EXOC6B: variants seen among roughly 807,000 people sequenced by gnomAD.
The protein encoded by EXOC6B is SEC15 homolog B.
Under a neutral mutation model 113.5 loss-of-function variants are expected in EXOC6B, and 54 were observed. The ratio of observed to expected loss-of-function variants is 0.48; its 90% CI spans 0.38 to 0.60. EXOC6B has a LOEUF of 0.60. Among genes scored for constraint, EXOC6B ranks in the 20% least tolerant of loss-of-function variants. The pLI, the probability that EXOC6B is intolerant of heterozygous loss-of-function variation, is 0.00. For synonymous variants in EXOC6B, 357 were observed against 339.0 expected, an observed-to-expected ratio of 1.05 and a Z score of -0.58; for missense variants, 797 against 977.5, an observed-to-expected ratio of 0.82 and a Z score of 2.46.
At chr2:72,528,451 A>C (rs1041309125) in intron 8 of EXOC6B, among the ~76,000 whole-genome samples, 3 of 152,182 alleles carry the variant, frequency 2.0e-5, no homozygotes, top group African/African-American at 7.2e-5. Flanking sequence ...CTACATAATA[A>C]GTCTTGAAAT....
intron 6 of EXOC6B, among the ~76,000 whole-genome samples, chr2:72,673,927 T>C (rs966375113): frequency 5.3e-5 from 8 of 152,116 alleles, no homozygotes; most frequent in Middle Eastern, 3.4e-3. Context: ...GCAAGACCCA[T>C]AACAGAAAAA....
At chr2:72,199,970 C>T (rs1234331274) in intron 20 of EXOC6B, among the ~76,000 whole-genome samples, 1 of 152,138 alleles carries the variant, frequency 6.6e-6, no homozygotes, top group Admixed American at 6.5e-5. Flanking sequence ...GATCTCGGCT[C>T]ACTGCAACCT....
intron 1 of EXOC6B, among the ~76,000 whole-genome samples, chr2:72,761,455 A>C (rs1419617766): frequency 6.6e-6 from 1 of 152,122 alleles, no homozygotes; most frequent in Non-Finnish European, 1.5e-5. Context: ...TATCACCACC[A>C]CATTCTAGCT....
chr2:72,495,389 A>C (rs1699982691), intron 15 of EXOC6B, 41 bp downstream of exon 15: 1 of 1,095,744 alleles, frequency 9.1e-7, no homozygotes. Flanking sequence ...ATGGAGTCAC[A>C]ATCTTAGCAT....
intron 19 of EXOC6B, among the ~76,000 whole-genome samples, chr2:72,337,708 T>A (rs1164731875): frequency 6.6e-6 from 1 of 152,182 alleles, no homozygotes; most frequent in East Asian, 1.9e-4. Flanking sequence ...TCAGGTATGA[T>A]AAAGTAAAGA....
At chr2:72,598,416 T>C (rs914005058) in intron 6 of EXOC6B, among the ~76,000 whole-genome samples, 3 of 151,924 alleles carry the variant, frequency 2.0e-5, no homozygotes, top group African/African-American at 7.2e-5. Flanking sequence ...GCAGAAACAG[T>C]GCTTACAGGG....
chr2:72,508,987 T>A (rs1397372275), intron 11 of EXOC6B, among the ~76,000 whole-genome samples: 1 of 152,104 alleles, frequency 6.6e-6, no homozygotes, highest in Non-Finnish European at 1.5e-5. Context: ...GACTGTTGTT[T>A]CTGCCCCCAA....
chr2:72,692,688 C>G (rs983610519), intron 6 of EXOC6B, among the ~76,000 whole-genome samples: 4 of 152,138 alleles, frequency 2.6e-5, no homozygotes, highest in African/African-American at 9.7e-5. Context: ...GAATGCTTCA[C>G]GTAAGATGAA....
chr2:72,531,060 A>G (rs1311138463), intron 8 of EXOC6B, among the ~76,000 whole-genome samples: 2 of 152,062 alleles, frequency 1.3e-5, no homozygotes, highest in Non-Finnish European at 2.9e-5. Flanking sequence ...TTTACATTCA[A>G]TACAATTATT....
intron 20 of EXOC6B, among the ~76,000 whole-genome samples, chr2:72,261,647 C>T (rs2104584584): frequency 6.6e-6 from 1 of 152,214 alleles, no homozygotes; most frequent in East Asian, 1.9e-4. Flanking sequence ...AGGCTGCTTT[C>T]CTTTAACTTC....
chr2:72,539,113 G>A (rs1244312465), intron 8 of EXOC6B, among the ~76,000 whole-genome samples: 1 of 152,086 alleles, frequency 6.6e-6, no homozygotes, highest in Non-Finnish European at 1.5e-5. Context: ...CACAAAAGCT[G>A]CCCCAAAACC....
intron 6 of EXOC6B, among the ~76,000 whole-genome samples, chr2:72,588,098 T>C (rs1424339218): frequency 6.6e-6 from 1 of 152,100 alleles, no homozygotes; most frequent in African/African-American, 2.4e-5. Context: ...TATAATATTT[T>C]CCACTACAGA....
intron 6 of EXOC6B, among the ~76,000 whole-genome samples, chr2:72,711,337 C>T (rs1008765566): frequency 5.9e-5 from 9 of 152,088 alleles, no homozygotes; most frequent in African/African-American, 9.7e-5. Flanking sequence ...CTATTTCACA[C>T]GGCAGAACCT....
intron 8 of EXOC6B, among the ~76,000 whole-genome samples, chr2:72,536,229 C>A (rs1373188307): frequency 1.3e-5 from 2 of 152,042 alleles, no homozygotes; most frequent in African/African-American, 4.8e-5. Context: ...ATACGTCATT[C>A]AAGTCAACAT....
At chr2:72,573,844 G>T (rs1418236947) in intron 7 of EXOC6B, among the ~76,000 whole-genome samples, 1 of 152,038 alleles carries the variant, frequency 6.6e-6, no homozygotes, top group Middle Eastern at 3.2e-3. Flanking sequence ...GGCTGGGTGC[G>T]GTGGCTCACG....
At chr2:72,730,010 T>G (rs1207535427) in intron 5 of EXOC6B, among the ~76,000 whole-genome samples, 1 of 152,198 alleles carries the variant, frequency 6.6e-6, no homozygotes, top group East Asian at 1.9e-4. Context: ...AAGATATGCT[T>G]TGATTATCCT....
intron 10 of EXOC6B, 66 bp from the exon 11 acceptor site, chr2:72,513,318 T>A: frequency 6.3e-7 from 1 of 1,588,966 alleles, no homozygotes; most frequent in Non-Finnish European, 8.6e-7. Context: ...TCTCTGGGGT[T>A]TGACAAGCAT....
intron 20 of EXOC6B, among the ~76,000 whole-genome samples, chr2:72,269,813 A>G (rs1684369876): frequency 6.6e-6 from 1 of 152,208 alleles, no homozygotes. Context: ...TACCTGAGAT[A>G]ACACTACATA....
intron 6 of EXOC6B, among the ~76,000 whole-genome samples, chr2:72,640,413 G>T (rs994069327): frequency 2.6e-5 from 4 of 152,154 alleles, no homozygotes; most frequent in Admixed American, 6.5e-5. Context: ...AAGAGATAGG[G>T]AGAAAGGAAC....
Sources: allele counts gnomAD v4.1 joint callset (sites outside exome capture counted in the v4.1 genomes callset), GRCh38; gene constraint gnomAD v4.1.1; transcripts MANE v1.5; gene names NCBI Gene and HGNC (gene_info 2026-07-23, HGNC 2026-07-21).